The following PDE5A variants were observed in gnomAD, a reference collection of about 807,000 sequenced individuals.
The protein encoded by PDE5A is cGMP-specific 3',5'-cyclic phosphodiesterase.
PDE5A carries 67 observed loss-of-function variants against 110.2 expected under a neutral mutation model. That is an observed-to-expected ratio of 0.61 (90% CI 0.50 to 0.75). The LOEUF (loss-of-function observed/expected upper bound fraction) is 0.75, where lower values mean the gene tolerates loss of function less well. Among genes scored for constraint, PDE5A ranks in the 30% least tolerant of loss-of-function variants. The pLI is 0.00. For synonymous variants in PDE5A, 328 were observed against 351.2 expected, an observed-to-expected ratio of 0.93 and a Z score of 0.74; for missense variants, 862 against 1,045.1, an observed-to-expected ratio of 0.82 and a Z score of 2.42.
rs1180340301 is a variant in PDE5A at position 119,495,967 on chromosome 4, C to G, written c.*2634G>C. Reference sequence around the variant, plus strand: ...CCTTCTGTGACATTCTGCTTGAAGACAAAGGCTTTGCCCAAACATAACTCC... The same window carrying G: ...CCTTCTGTGACATTCTGCTTGAAGAGAAAGGCTTTGCCCAAACATAACTCC... On this transcript the variant is annotated 3_prime_UTR_variant, in exon 21 of 21. Transcript: ENST00000354960. 6.6e-6 allele frequency: 1 copy of G among 152,088 alleles called. No individual in the cohort carries two copies. The highest frequency in any genetic ancestry group is 6.6e-5 in the Admixed American group (1 of 15,256). The allele number at this position is 152,088 out of a possible 1,614,324, so 9.4% of individuals were successfully genotyped here.
chr4:119,627,231 C>T lies in PDE5A; in HGVS notation c.152+1289G>A. Reference sequence around the variant, plus strand: ...CGCCGATCCTGGACTCCAGGAGGCTCCGTAGGGGCAACAACGCGCGCAGGT... The same window carrying T: ...CGCCGATCCTGGACTCCAGGAGGCTTCGTAGGGGCAACAACGCGCGCAGGT... On this transcript the variant is annotated intron_variant, in intron 1 of 20. Transcript: ENST00000354960. This position sits in a 1 kb window ranked among gnomAD's most constrained non-coding sequence, Gnocchi z 4.6. The T allele has an allele frequency of 1.9e-6, 3 of 1,608,570 alleles. No homozygotes were observed. The highest frequency in any genetic ancestry group is 2.2e-5 in the East Asian group (1 of 44,468).
chr4:119,583,072 C>T (rs6833334), intron 3 of PDE5A, among the ~76,000 whole-genome samples: 39,552 of 152,086 alleles, frequency 0.26, 5,310 homozygotes, highest in East Asian at 0.38. Context: ...ATTGACTTCT[C>T]CTCTCTGGCT....
At chr4:119,620,902 G>C (rs138817396) in intron 1 of PDE5A, among the ~76,000 whole-genome samples, 1 of 152,312 alleles carries the variant, frequency 6.6e-6, no homozygotes, top group Non-Finnish European at 1.5e-5. Context: ...TGTTCAGAGA[G>C]ACCCAGTGGG....
At chr4:119,518,915 A>ATTTCC in intron 14 of PDE5A, 130 bp downstream of exon 14, 1 of 598,552 alleles carries the variant, frequency 1.7e-6, no homozygotes, top group Non-Finnish European at 3.0e-6. Flanking sequence ...TATTTTTTCC[A>ATTTCC]TTTCCTTTAA....
Position 119,497,627 on chromosome 4 carries a change from A to G in PDE5A, c.*974T>C, listed in dbSNP as rs1725123513. 6.6e-6 allele frequency: 1 copy of G among 152,206 alleles called. No individual in the cohort carries two copies. Among genetic ancestry groups the G allele is most frequent in the African/African-American group, 2.4e-5 (1 of 41,458 alleles). The allele number at this position is 152,206 out of a possible 1,614,324, so 9.4% of individuals were successfully genotyped here. On this transcript the variant is annotated 3_prime_UTR_variant, in exon 21 of 21. Coordinates refer to ENST00000354960, the MANE Select transcript of PDE5A (RefSeq NM_001083.4). Reference sequence around the variant, plus strand: ...TTGGCAATAGCCCTTTGCTATTTATATAATTAAAACTTTTCTTTAAATTTC... The same window carrying G: ...TTGGCAATAGCCCTTTGCTATTTATGTAATTAAAACTTTTCTTTAAATTTC...
rs931915600 is a variant in PDE5A at position 119,628,717 on chromosome 4, C to A, written c.-46G>T. 6.2e-7 allele frequency: 1 copy of A among 1,600,912 alleles called. No homozygotes were observed. The highest frequency in any genetic ancestry group is 1.7e-5 in the Admixed American group (1 of 59,466). ...GAGGCTCTCTGGTACTGCTTTTCCACCCCAGCTGGGGTCCGTCCCTCAGAA... is the reference window on the plus strand; with the variant it reads ...GAGGCTCTCTGGTACTGCTTTTCCAACCCAGCTGGGGTCCGTCCCTCAGAA... On this transcript the variant is annotated 5_prime_UTR_variant, in exon 1 of 21. Coordinates refer to ENST00000354960, the MANE Select transcript of PDE5A (RefSeq NM_001083.4).
chr4:119,613,733 G>GA (rs35432148), intron 1 of PDE5A, among the ~76,000 whole-genome samples: 122,514 of 151,580 alleles, frequency 0.81, 49,668 homozygotes, highest in East Asian at 0.9. Context: ...AGGGGGTTTT[G>GA]AAAAATATTC....
intron 1 of PDE5A, among the ~76,000 whole-genome samples, chr4:119,616,156 C>A (rs1457552166): frequency 2.6e-5 from 4 of 152,136 alleles, no homozygotes; most frequent in Non-Finnish European, 5.9e-5. Flanking sequence ...TACGAAGAAA[C>A]CCTGGTGGGC....
At chr4:119,597,903 A>G (rs181067275) in intron 2 of PDE5A, among the ~76,000 whole-genome samples, 95 of 152,208 alleles carry the variant, frequency 6.2e-4, no homozygotes, top group African/African-American at 2.2e-3. Context: ...AATATTTTAT[A>G]TTATAAACAC....
At chr4:119,519,508 A>G (rs1286802405) in intron 13 of PDE5A, 3 of 172,936 alleles carry the variant, frequency 1.7e-5, no homozygotes, top group Admixed American at 6.3e-5. Flanking sequence ...ACTCTCTGCT[A>G]TCAGTTGCTG....
chr4:119,544,008 A>AC (rs1465903255), intron 9 of PDE5A, among the ~76,000 whole-genome samples: 1 of 152,192 alleles, frequency 6.6e-6, no homozygotes. Flanking sequence ...TATAGTAGGA[A>AC]CTAAAAAAAT....
intron 11 of PDE5A, among the ~76,000 whole-genome samples, chr4:119,534,266 C>T (rs569462402): frequency 5.9e-5 from 9 of 152,176 alleles, no homozygotes; most frequent in Non-Finnish European, 8.8e-5. Context: ...GGTACCCGAC[C>T]GTGGCTGGTT....
intron 10 of PDE5A, among the ~76,000 whole-genome samples, chr4:119,540,517 G>T (rs1726890710): frequency 6.6e-6 from 1 of 152,028 alleles, no homozygotes; most frequent in Non-Finnish European, 1.5e-5. Flanking sequence ...AGCTAATACT[G>T]TGTCCATGAG....
At chr4:119,517,472 A>C (rs1018158173) in intron 14 of PDE5A, among the ~76,000 whole-genome samples, 1 of 151,528 alleles carries the variant, frequency 6.6e-6, no homozygotes, top group African/African-American at 2.4e-5. Context: ...ATGTAGGAAG[A>C]AATAAAAATC....
intron 7 of PDE5A, among the ~76,000 whole-genome samples, chr4:119,559,751 G>A (rs1727680134): frequency 2.6e-5 from 4 of 152,074 alleles, no homozygotes; most frequent in South Asian, 4.2e-4. Flanking sequence ...GTGTGGAGAC[G>A]GGATATAATC....
chr4:119,526,407 A>C (rs894756771), intron 11 of PDE5A, among the ~76,000 whole-genome samples: 3 of 152,090 alleles, frequency 2.0e-5, no homozygotes, highest in African/African-American at 7.2e-5. Flanking sequence ...CCTCAGACTG[A>C]GCAGAGCGCA....
intron 11 of PDE5A, among the ~76,000 whole-genome samples, chr4:119,538,334 T>C (rs1390847192): frequency 6.6e-6 from 1 of 152,170 alleles, no homozygotes; most frequent in Non-Finnish European, 1.5e-5. Context: ...ACATGGCCCT[T>C]ACCTATGTCA....
chr4:119,523,245 C>T (rs1026073398), intron 12 of PDE5A, among the ~76,000 whole-genome samples: 5 of 151,948 alleles, frequency 3.3e-5, no homozygotes, highest in African/African-American at 1.2e-4. Context: ...TGAAAATAAG[C>T]ACAGCACATG....
At chr4:119,593,487 C>T (rs1422288082) in intron 3 of PDE5A, among the ~76,000 whole-genome samples, 2 of 152,114 alleles carry the variant, frequency 1.3e-5, no homozygotes, top group Non-Finnish European at 2.9e-5. Context: ...TACAAAAGAC[C>T]ACATACTGTA....
Sources: gnomAD v4.1 joint callset for allele counts (sites outside exome capture counted in the v4.1 genomes callset) on GRCh38, gnomAD v4.1.1 for gene constraint, Gnocchi (gnomAD v3.1) non-coding constraint, MANE v1.5 for transcripts, NCBI Gene and HGNC (gene_info 2026-07-23, HGNC 2026-07-21) for gene names.